The following L3MBTL4 variants were observed in gnomAD, a reference collection of about 807,000 sequenced individuals.
L3MBTL4 encodes the protein L3MBTL histone methyl-lysine binding protein 4, also known as lethal(3)malignant brain tumor-like protein 4.
In L3MBTL4, 70 loss-of-function variants were observed where a neutral mutation model predicts 84.5. The observed-to-expected ratio is 0.83, with a 90% CI of 0.68 to 1.01. The LOEUF is 1.01. L3MBTL4 is among the 50% of genes least tolerant of loss of function. L3MBTL4 has a pLI of 0.00. For synonymous variants in L3MBTL4, 274 were observed against 259.8 expected, an observed-to-expected ratio of 1.05 and a Z score of -0.52; for missense variants, 715 against 754.8, an observed-to-expected ratio of 0.95 and a Z score of 0.62.
At chr18:6,249,202 C>T (rs2047817736) in intron 5 of L3MBTL4, among the ~76,000 whole-genome samples, 1 of 152,046 alleles carries the variant, frequency 6.6e-6, no homozygotes. Flanking sequence ...AATACACATG[C>T]ACACAACGCT....
At chr18:6,118,014 C>G (rs986300931) in intron 14 of L3MBTL4, among the ~76,000 whole-genome samples, 2 of 152,050 alleles carry the variant, frequency 1.3e-5, no homozygotes, top group African/African-American at 4.8e-5. Context: ...GGCCACACTC[C>G]CAACCTCTGA....
At chr18:6,337,918 C>T (rs1156412772) in intron 1 of L3MBTL4, among the ~76,000 whole-genome samples, 1 of 151,814 alleles carries the variant, frequency 6.6e-6, no homozygotes, top group Non-Finnish European at 1.5e-5. Flanking sequence ...GAAGGGAATA[C>T]ATTACTTTCA....
intron 1 of L3MBTL4, among the ~76,000 whole-genome samples, chr18:6,346,861 G>C (rs1262267504): frequency 6.6e-6 from 1 of 152,046 alleles, no homozygotes; most frequent in African/African-American, 2.4e-5. Flanking sequence ...AGTATCCAAA[G>C]AAATATTTGT....
chr18:6,074,510 A>G lies in L3MBTL4; in HGVS notation c.1444+6371T>C, dbSNP rs117308964. Among the ~76,000 whole-genome samples, 1,015 of 152,316 alleles carry G rather than the reference A, an allele frequency of 6.7e-3. 7 individuals are homozygous for G. Among genetic ancestry groups the G allele is most frequent in the Middle Eastern group, 0.031 (9 of 294 alleles). On this transcript the variant is annotated intron_variant, in intron 16 of 18. Coordinates refer to ENST00000317931, the MANE Select transcript of L3MBTL4 (RefSeq NM_001330559.2). ...AACAGACTTTGAAAGAGGTAATGTT[A>G]TTGGTCACTGATGATGATGAGAGCT...
chr18:5,995,870 C>T (rs542384702), intron 16 of L3MBTL4, among the ~76,000 whole-genome samples: 4 of 152,248 alleles, frequency 2.6e-5, no homozygotes, highest in East Asian at 3.9e-4. Context: ...CATTGATCCC[C>T]GCTACTTAGC....
chr18:6,035,445 G>C (rs1283692683), intron 16 of L3MBTL4, among the ~76,000 whole-genome samples: 1 of 150,630 alleles, frequency 6.6e-6, no homozygotes, highest in South Asian at 2.1e-4. Flanking sequence ...GTTTGTCAAA[G>C]ATCAGATAGT....
At chr18:6,121,975 C>A in intron 14 of L3MBTL4, among the ~76,000 whole-genome samples, 1 of 152,042 alleles carries the variant, frequency 6.6e-6, no homozygotes, top group Non-Finnish European at 1.5e-5. Context: ...CATATACATC[C>A]GGGAATAGGA....
intron 14 of L3MBTL4, among the ~76,000 whole-genome samples, chr18:6,137,252 T>C (rs2060053133): frequency 6.6e-6 from 1 of 152,218 alleles, no homozygotes; most frequent in African/African-American, 2.4e-5. Context: ...TGTCTTTCTT[T>C]TTTTATGAAT....
chr18:6,369,880 T>A (rs141793256), intron 1 of L3MBTL4, among the ~76,000 whole-genome samples: 67 of 152,194 alleles, frequency 4.4e-4, no homozygotes, highest in African/African-American at 1.5e-3. Context: ...ACGCCTATAA[T>A]CCTAGCACTT....
intron 16 of L3MBTL4, among the ~76,000 whole-genome samples, chr18:6,029,219 G>A (rs1432794939): frequency 2.6e-5 from 4 of 152,158 alleles, no homozygotes; most frequent in Admixed American, 2.6e-4. Flanking sequence ...GAAGGCATTA[G>A]AGGGTTCTTG....
intron 14 of L3MBTL4, among the ~76,000 whole-genome samples, chr18:6,116,551 A>G (rs1349419150): frequency 6.6e-6 from 1 of 151,828 alleles, no homozygotes; most frequent in Non-Finnish European, 1.5e-5. Context: ...TTTAGCAGAG[A>G]CAGGGTTTTG....
chr18:6,252,101 C>T (rs1432996622), intron 5 of L3MBTL4, among the ~76,000 whole-genome samples: 2 of 152,178 alleles, frequency 1.3e-5, no homozygotes, highest in African/African-American at 4.8e-5. Flanking sequence ...CACCTGAGGT[C>T]AGGAGTTCAA....
chr18:5,958,264 G>A (rs1363285351), intron 18 of L3MBTL4, among the ~76,000 whole-genome samples: 4 of 152,170 alleles, frequency 2.6e-5, no homozygotes, highest in Non-Finnish European at 4.4e-5. Context: ...GCGTTTTGAA[G>A]TTATAATATT....
At chr18:6,238,798 G>C (rs1439492939) in intron 9 of L3MBTL4, among the ~76,000 whole-genome samples, 1 of 151,920 alleles carries the variant, frequency 6.6e-6, no homozygotes, top group Admixed American at 6.6e-5. Context: ...GAGAAGACAG[G>C]GCCCATCAGG....
intron 18 of L3MBTL4, among the ~76,000 whole-genome samples, chr18:5,957,107 C>T (rs2095231627): frequency 6.6e-6 from 1 of 152,164 alleles, no homozygotes; most frequent in South Asian, 2.1e-4. Flanking sequence ...TTAATCCTTT[C>T]AACTTTCCTG....
At chr18:6,238,760 C>T (rs1249520501) in intron 9 of L3MBTL4, among the ~76,000 whole-genome samples, 1 of 152,114 alleles carries the variant, frequency 6.6e-6, no homozygotes, top group Non-Finnish European at 1.5e-5. Flanking sequence ...TACAACAATA[C>T]CTCTCTGCTT....
intron 1 of L3MBTL4, among the ~76,000 whole-genome samples, chr18:6,313,422 C>T (rs1202842613): frequency 6.6e-6 from 1 of 152,134 alleles, no homozygotes; most frequent in East Asian, 1.9e-4. Context: ...AACAAAAAAA[C>T]ACTTCTTTTC....
chr18:6,099,463 A>C (rs113976095), intron 14 of L3MBTL4, among the ~76,000 whole-genome samples: 9 of 151,086 alleles, frequency 6.0e-5, no homozygotes, highest in African/African-American at 2.2e-4. Flanking sequence ...CTGGGAAGTA[A>C]GAGCCATCAT....
intron 13 of L3MBTL4, among the ~76,000 whole-genome samples, chr18:6,165,873 GAC>G (rs1412259564): frequency 6.6e-6 from 1 of 152,140 alleles, no homozygotes; most frequent in Non-Finnish European, 1.5e-5. Flanking sequence ...CCAATTAAAA[GAC>G]ACAGACTGGC....
Sources: allele counts gnomAD v4.1 joint callset (sites outside exome capture counted in the v4.1 genomes callset), GRCh38; gene constraint gnomAD v4.1.1; transcripts MANE v1.5; gene names NCBI Gene and HGNC (gene_info 2026-07-23, HGNC 2026-07-21).